The following PLXDC1 variants were observed in gnomAD, a reference collection of about 807,000 sequenced individuals.
PLXDC1 encodes the protein plexin domain-containing protein 1.
PLXDC1 carries 39 observed loss-of-function variants against 61.3 expected under a neutral mutation model. That is an observed-to-expected ratio of 0.64 (90% CI 0.49 to 0.83). The LOEUF (loss-of-function observed/expected upper bound fraction) is 0.83. Among genes scored for constraint, PLXDC1 ranks in the 40% least tolerant of loss-of-function variants. PLXDC1 has a pLI of 0.00. For synonymous variants in PLXDC1, 212 were observed against 254.5 expected (o/e 0.83, Z 1.59); for missense variants, 596 against 666.5 (o/e 0.89, Z 1.17).
chr17:39,121,989 C>G (rs553603862), intron 2 of PLXDC1, among the ~76,000 whole-genome samples: 1 of 148,332 alleles, frequency 6.7e-6, no homozygotes, highest in Non-Finnish European at 1.5e-5. Context: ...CCCAGCTGCT[C>G]GGGAGGTTGA....
chr17:39,129,493 T>C (rs987485434), intron 2 of PLXDC1, among the ~76,000 whole-genome samples: 1 of 151,578 alleles, frequency 6.6e-6, no homozygotes, highest in Non-Finnish European at 1.5e-5. Flanking sequence ...GGCACGCGCC[T>C]GTAGTCCCAG....
At chr17:39,131,177 G>A (rs1369733447) in intron 2 of PLXDC1, among the ~76,000 whole-genome samples, 3 of 152,120 alleles carry the variant, frequency 2.0e-5, no homozygotes, top group African/African-American at 7.2e-5. Context: ...CTAAATGTCA[G>A]GTTTGTTAAC....
Position 39,139,793 on chromosome 17 carries a change from C to T in PLXDC1, c.116G>A (p.Gly39Glu), listed in dbSNP as rs1326690224. The T allele has an allele frequency of 4.3e-6, 7 of 1,613,042 alleles. No individual in the cohort carries two copies. In the Admixed American group the frequency reaches 1.0e-4, roughly 23 times the overall value. Residue 39 changes from glycine to glutamate, a missense_variant, in exon 2 of 14, where the codon GGG (glycine) becomes GAG (glutamate). Transcript: ENST00000315392. ...TCTCCGGTTCCAGCCCCGCACGGTC[C>T]CTTTGGCAGCCCATCCAGAGCCTGG... Reference protein sequence around the residue: ...EGPGSGWAAKGTVRGWNRRAR... With the variant: ...EGPGSGWAAKETVRGWNRRAR...
At position 39,131,201 on chromosome 17, in the gene PLXDC1, A is replaced by G. The variant is rs143489452; in HGVS notation, c.255+8453T>C. Among the ~76,000 whole-genome samples, 26 of 152,268 alleles carry G rather than the reference A, an allele frequency of 1.7e-4. No individual in the cohort carries two copies. In the South Asian group the frequency reaches 3.1e-3, roughly 18 times the overall value. On this transcript the variant is annotated intron_variant, in intron 2 of 13. Coordinates refer to ENST00000315392, the MANE Select transcript of PLXDC1 (RefSeq NM_020405.5). ...AGGTTTGTTAACTGAGGGGTTAAGT[A>G]TCCAGCCCAAGGCTATGCAGCTGGT... is the stretch of plus-strand genomic sequence containing the variant.
chr17:39,072,845 G>A (rs1909180020), intron 11 of PLXDC1, among the ~76,000 whole-genome samples: 1 of 152,206 alleles, frequency 6.6e-6, no homozygotes, highest in African/African-American at 2.4e-5. Flanking sequence ...TGGGGCTGCA[G>A]TGTGCAGGAG....
At chr17:39,123,254 C>T (rs1911220785) in intron 2 of PLXDC1, among the ~76,000 whole-genome samples, 1 of 152,150 alleles carries the variant, frequency 6.6e-6, no homozygotes, top group East Asian at 1.9e-4. Context: ...GCAATAGCCG[C>T]ATCTCAGCTC....
intron 7 of PLXDC1, among the ~76,000 whole-genome samples, chr17:39,101,569 G>T (rs1262805991): frequency 9.2e-5 from 14 of 152,162 alleles, no homozygotes; most frequent in South Asian, 4.1e-4. Flanking sequence ...CAGCCAACGG[G>T]CCCATGGATC....
At chr17:39,091,262 C>G (rs1335766928) in intron 7 of PLXDC1, among the ~76,000 whole-genome samples, 3 of 152,150 alleles carry the variant, frequency 2.0e-5, no homozygotes, top group African/African-American at 7.2e-5. Flanking sequence ...TTCCCACGCC[C>G]CCTCTGAGGG....
chr17:39,127,246 C>T (rs2143825260), intron 2 of PLXDC1, among the ~76,000 whole-genome samples: 1 of 152,272 alleles, frequency 6.6e-6, no homozygotes, highest in Admixed American at 6.5e-5. Flanking sequence ...TACGCACGGT[C>T]TACCTCATCT....
chr17:39,151,601 A>G lies in PLXDC1; in HGVS notation c.-164T>C. On this transcript the variant is annotated 5_prime_UTR_variant, in exon 1 of 14. Coordinates refer to ENST00000315392, the MANE Select transcript of PLXDC1 (RefSeq NM_020405.5). The surrounding 1 kb of genome is among the most constrained non-coding windows in gnomAD (Gnocchi z 5.2). ...CGGGCGAGCCGGCAGGAGCGGCGAG[A>G]GCGCGAGCGGAGCTGGAGGCTGCGG... The G allele has an allele frequency of 1.8e-6, 2 of 1,125,654 alleles. No homozygotes were observed. Among genetic ancestry groups the G allele is most frequent in the Non-Finnish European group, 2.2e-6 (2 of 919,772 alleles). 69.7% of individuals were successfully genotyped at this position (1,125,654 alleles called of 1,614,324 possible).
At chr17:39,106,648 CTTTCTTT>C (rs1435609005) in intron 6 of PLXDC1, among the ~76,000 whole-genome samples, 27 of 122,588 alleles carry the variant, frequency 2.2e-4, no homozygotes, top group South Asian at 5.2e-4. Context: ...TTTTCTTTTT[CTTTCTTT>C]TTTTTTTTTT....
intron 2 of PLXDC1, chr17:39,137,283 G>A (rs953629023): frequency 6.6e-5 from 10 of 152,200 alleles, no homozygotes; most frequent in South Asian, 2.1e-4. Context: ...GGCCTTGAGC[G>A]GTGGCTTACA....
At chr17:39,104,774 CTT>C (rs1910537666) in intron 7 of PLXDC1, among the ~76,000 whole-genome samples, 1 of 147,324 alleles carries the variant, frequency 6.8e-6, no homozygotes, top group Non-Finnish European at 1.5e-5. Context: ...CAGAGCAAGA[CTT>C]TGTTTAAAAA....
At chr17:39,089,008 T>C (rs1179226009) in intron 7 of PLXDC1, among the ~76,000 whole-genome samples, 1 of 93,758 alleles carries the variant, frequency 1.1e-5, no homozygotes, top group African/African-American at 4.2e-5. Context: ...AGAAAAAGAA[T>C]AGAAAGAAAA....
At position 39,077,918 on chromosome 17, in the gene PLXDC1, G is replaced by C. The variant is rs1338877044; in HGVS notation, c.1181C>G (p.Thr394Arg). The change falls in exon 11 of 14, where the codon ACA (threonine) becomes AGA (arginine). Residue 394 changes from threonine to arginine, a missense_variant. Physicochemically the swap from Thr to Arg is moderately conservative, Grantham distance 71 (BLOSUM62 -1). Coordinates refer to ENST00000315392, the MANE Select transcript of PLXDC1 (RefSeq NM_020405.5). ...SSSLFIDSLT[T>R]EDDTKLNPYA... is the part of the protein sequence containing the mutation. ...CTCCTGGGCTCAGAACTTACCTTCT[G>C]TGGTGAGGCTGTCGATGAAGAGGGA... The C allele has an allele frequency of 6.2e-7, 1 of 1,614,110 alleles. No individual in the cohort carries two copies. Among genetic ancestry groups the C allele is most frequent in the Non-Finnish European group, 8.5e-7 (1 of 1,179,968 alleles).
At chr17:39,106,642 CTTTTTCTTTCTTTTTTTTTT>C (rs1910599543) in intron 6 of PLXDC1, among the ~76,000 whole-genome samples, 1 of 134,618 alleles carries the variant, frequency 7.4e-6, no homozygotes, top group African/African-American at 3.0e-5. Flanking sequence ...TTTCTTTTTT[CTTTTTCTTTCTTTTTTTTTT>C]TTTTTGAGAC....
rs191082798 is a variant in PLXDC1 at position 39,096,620 on chromosome 17, G to A, written c.812-8918C>T. On this transcript the variant is annotated intron_variant, in intron 7 of 13. Coordinates refer to ENST00000315392, the MANE Select transcript of PLXDC1 (RefSeq NM_020405.5). ...GCCTCGGAAAGGACAGGAAAGTTCC[G>A]GTAAAGGAGGAGGACCAGCATGTTG... Among the ~76,000 whole-genome samples the A allele has an allele frequency of 3.3e-5, 5 of 152,280 alleles. No individual in the cohort carries two copies. In the East Asian group the frequency reaches 5.8e-4, roughly 18 times the overall value.
In PLXDC1 at chr17:39,067,681, G is replaced by T; in HGVS notation, c.*159C>A. On this transcript the variant is annotated 3_prime_UTR_variant, in exon 14 of 14. Coordinates refer to ENST00000315392, the MANE Select transcript of PLXDC1 (RefSeq NM_020405.5). ...TTTTTGGCCCCCTCTTCAATATTCGGGGTGTGCTGACGAAGCGAGCAGCAG... is the reference window on the plus strand; with the variant it reads ...TTTTTGGCCCCCTCTTCAATATTCGTGGTGTGCTGACGAAGCGAGCAGCAG... 1.5e-6 allele frequency: 1 copy of T among 651,010 alleles called. No individual in the cohort carries two copies. Among genetic ancestry groups the T allele is most frequent in the Non-Finnish European group, 2.6e-6 (1 of 382,542 alleles). 40.3% of individuals were successfully genotyped at this position (651,010 alleles called of 1,614,324 possible).
At chr17:39,095,101 G>A (rs1910099977) in intron 7 of PLXDC1, among the ~76,000 whole-genome samples, 1 of 152,132 alleles carries the variant, frequency 6.6e-6, no homozygotes, top group Non-Finnish European at 1.5e-5. Context: ...TCTAGGGATG[G>A]GTTTCCCCAC....
Sources: allele counts gnomAD v4.1 joint callset (sites outside exome capture counted in the v4.1 genomes callset), GRCh38; gene constraint gnomAD v4.1.1; non-coding constraint Gnocchi (gnomAD v3.1); transcripts MANE v1.5; gene names NCBI Gene and HGNC (gene_info 2026-07-23, HGNC 2026-07-21).